ZSCAN32: variants seen among roughly 807,000 people sequenced by gnomAD.
ZSCAN32 encodes zinc finger and SCAN domain-containing protein 32.
In ZSCAN32, 52 loss-of-function variants were observed where a neutral mutation model predicts 47.4. That is an observed-to-expected ratio of 1.10 (90% CI 0.88 to 1.38). The LOEUF (loss-of-function observed/expected upper bound fraction) is 1.38, where lower values mean the gene tolerates loss of function less well. Among genes scored for constraint, ZSCAN32 ranks in the 40% most tolerant of loss-of-function variants. ZSCAN32 has a pLI of 0.00. For missense variants in ZSCAN32, 959 were observed against 846.0 expected, an observed-to-expected ratio of 1.13 and a Z score of -1.66; for synonymous variants, 346 against 305.7, an observed-to-expected ratio of 1.13 and a Z score of -1.38.
intron 1 of ZSCAN32, among the ~76,000 whole-genome samples, chr16:3,399,284 C>T (rs2033666703): frequency 6.6e-6 from 1 of 152,134 alleles, no homozygotes; most frequent in African/African-American, 2.4e-5. Context: ...ACCCACTTCC[C>T]CAGAAGTGGG....
At chr16:3,384,301 A>G in intron 6 of ZSCAN32, 158 bp downstream of exon 6, 1 of 1,012,678 alleles carries the variant, frequency 9.9e-7, no homozygotes, top group Non-Finnish European at 1.5e-6. Context: ...TGCAAGGGGA[A>G]TAACCTTTAA....
chr16:3,387,894 T>C (rs1490334376), intron 5 of ZSCAN32, among the ~76,000 whole-genome samples: 2 of 152,212 alleles, frequency 1.3e-5, no homozygotes, highest in East Asian at 1.9e-4. Flanking sequence ...AATGTTTACG[T>C]AGAGTTAAGT....
At position 3,384,579 on chromosome 16, in the gene ZSCAN32, C is replaced by T; in HGVS notation, c.1114G>A (p.Glu372Lys). Residue 372 changes from glutamate to lysine, a missense_variant, in exon 6 of 7, where the codon GAA (glutamate) becomes AAA (lysine). Physicochemically the swap from Glu to Lys is moderately conservative, Grantham distance 56. Transcript: ENST00000396852. ...GTGCCATCTTCTACCTCCGTGGGTT[C>T]CCCATTCTGGTGATTCAGCTCTCCA... ...EAGELNHQNG[E>K]PTEVEDGTVD... 3 of 1,614,220 alleles carry T rather than the reference C, an allele frequency of 1.9e-6. No individual in the cohort carries two copies. Among genetic ancestry groups the T allele is most frequent in the Non-Finnish European group, 2.5e-6 (3 of 1,180,026 alleles).
In ZSCAN32 at chr16:3,393,786, A is replaced by G. The variant is rs934019772; in HGVS notation, c.395T>C (p.Val132Ala). The G allele has an allele frequency of 1.3e-6, 2 of 1,549,940 alleles. No individual in the cohort carries two copies. The highest frequency in any genetic ancestry group is 4.9e-5 in the East Asian group (2 of 40,904). ...CAAAGGGGCCATCTCCTTCATGAGTACTTTCAAGTCCTTCTCAGAATCTAG... is the reference window on the plus strand; with the variant it reads ...CAAAGGGGCCATCTCCTTCATGAGTGCTTTCAAGTCCTTCTCAGAATCTAG... Reference protein sequence around the residue: ...QVLDSEKDLKVLMKEMAPLGA... With the variant: ...QVLDSEKDLKALMKEMAPLGA... Residue 132 changes from valine (V) to alanine (A), a missense_variant, in exon 3 of 7, where the codon GTA becomes GCA. Coordinates refer to ENST00000396852, the MANE Select transcript of ZSCAN32 (RefSeq NM_001284527.2).
intron 5 of ZSCAN32, among the ~76,000 whole-genome samples, chr16:3,389,123 T>G (rs1286309438): frequency 6.6e-6 from 1 of 152,148 alleles, no homozygotes; most frequent in African/African-American, 2.4e-5. Flanking sequence ...CACTATACTC[T>G]CCTGCAACTG....
In ZSCAN32 at chr16:3,393,191, T is replaced by TATATATATAAA. The variant is rs2032937947; in HGVS notation, c.532+457_532+458insTTTATATATAT. Reference sequence around the variant, plus strand: ...ATTTCTATATATATATTTCTATATTTATATATATATTTATATTTATATATA... The same window carrying TATATATATAAA: ...ATTTCTATATATATATTTCTATATTTATATATATAAAATATATATATTTATATTTATATATA... On this transcript the variant is annotated intron_variant, in intron 3 of 6. Coordinates refer to ENST00000396852, the MANE Select transcript of ZSCAN32 (RefSeq NM_001284527.2). Among the ~76,000 whole-genome samples the TATATATATAAA allele has an allele frequency of 7.3e-5, 2 of 27,502 alleles. 1 individual carries two copies. The highest frequency in any genetic ancestry group is 3.1e-3 in the South Asian group (2 of 648). 18.0% of individuals were successfully genotyped at this position (27,502 alleles called of 152,430 possible). A position where few individuals can be genotyped will look rare whatever the true frequency, so the allele number is the denominator to read the frequency against.
chr16:3,390,884 G>A (rs988922425), intron 3 of ZSCAN32, among the ~76,000 whole-genome samples: 5 of 151,856 alleles, frequency 3.3e-5, no homozygotes, highest in African/African-American at 1.2e-4. Context: ...AAAGAGAATC[G>A]TAGTGGGCAA....
Position 3,383,598 on chromosome 16 carries a change from C to T in ZSCAN32, c.1348G>A (p.Glu450Lys), listed in dbSNP as rs772571775. The T allele has an allele frequency of 1.2e-6, 2 of 1,613,864 alleles. No individual in the cohort carries two copies. The highest frequency in any genetic ancestry group is 1.7e-6 in the Non-Finnish European group (2 of 1,180,022). ...TCACTCTCCAAGCCTTTTTGTAGCT[C>T]AGAGTGCCAATAAACTCCTCTGGAC... The part of the protein sequence containing the change: ...RKSRGVYWHS[E>K]LQKGLESEPT... Residue 450 changes from glutamate (E) to lysine (K), a missense_variant, in exon 7 of 7, where the codon GAG becomes AAG. Glu to Lys is a moderately conservative substitution (Grantham distance 56). Coordinates refer to ENST00000396852, the MANE Select transcript of ZSCAN32 (RefSeq NM_001284527.2).
chr16:3,387,116 G>GCCT (rs1367680152), intron 5 of ZSCAN32, among the ~76,000 whole-genome samples: 2 of 152,082 alleles, frequency 1.3e-5, no homozygotes, highest in Non-Finnish European at 2.9e-5. Flanking sequence ...TACTAAAGCT[G>GCCT]CCTATTTAAT....
intron 5 of ZSCAN32, among the ~76,000 whole-genome samples, chr16:3,389,411 G>A (rs75081822): frequency 1.3e-5 from 2 of 152,206 alleles, no homozygotes; most frequent in Non-Finnish European, 2.9e-5. Context: ...GAGCTGCAGT[G>A]TCTGTCTCTG....
chr16:3,389,430 T>C (rs550994455), intron 5 of ZSCAN32, among the ~76,000 whole-genome samples: 26 of 152,292 alleles, frequency 1.7e-4, no homozygotes, highest in African/African-American at 6.0e-4. Context: ...TGAATCTGCA[T>C]GGTCAGGGAG....
In ZSCAN32 at chr16:3,382,624, T is replaced by G; in HGVS notation, c.*228A>C. On this transcript the variant is annotated 3_prime_UTR_variant, in exon 7 of 7. Coordinates refer to ENST00000396852, the MANE Select transcript of ZSCAN32 (RefSeq NM_001284527.2). Reference sequence around the variant, plus strand: ...TGGTAGAATTTATGGATCCTACAGCTTTCTCTCCATCAAACTTTAAGTCAC... The same window carrying G: ...TGGTAGAATTTATGGATCCTACAGCGTTCTCTCCATCAAACTTTAAGTCAC... 2.1e-6 allele frequency: 1 copy of G among 468,024 alleles called. No homozygotes were observed. Among genetic ancestry groups the G allele is most frequent in the Non-Finnish European group, 3.5e-6 (1 of 285,280 alleles). 29.0% of individuals were successfully genotyped at this position (468,024 alleles called of 1,614,324 possible). A position where few individuals can be genotyped will look rare whatever the true frequency, so the allele number is the denominator to read the frequency against.
intron 1 of ZSCAN32, 91 bp from the exon 2 acceptor site, chr16:3,397,835 C>CGA: frequency 7.6e-6 from 2 of 263,986 alleles, no homozygotes; most frequent in South Asian, 9.7e-5. Flanking sequence ...TCCTTTACTC[C>CGA]CTCCACAAAT....
rs2031321975 is a variant in ZSCAN32, at chr16:3,382,346, T to C, written c.*506A>G. ...TGGCTTAACCATCCTTCCTTCTTTC[T>C]GTTTGCTTTTTGGTGGTGGCTGGGT... On this transcript the variant is annotated 3_prime_UTR_variant, in exon 7 of 7. Transcript: ENST00000396852. The C allele has an allele frequency of 6.6e-6, 1 of 152,508 alleles. No individual in the cohort carries two copies. The highest frequency in any genetic ancestry group is 2.4e-5 in the African/African-American group (1 of 41,454). 9.4% of individuals were successfully genotyped at this position (152,508 alleles called of 1,614,324 possible).
In ZSCAN32 at chr16:3,382,334, C is replaced by G. The variant is rs1439724447; in HGVS notation, c.*518G>C. ...AGTATTATCCAATGGCTTAACCATC[C>G]TTCCTTCTTTCTGTTTGCTTTTTGG... is the stretch of plus-strand genomic sequence containing the variant. On this transcript the variant is annotated 3_prime_UTR_variant, in exon 7 of 7. Transcript: ENST00000396852. 1 of 152,346 alleles carries G rather than the reference C, an allele frequency of 6.6e-6. No individual in the cohort carries two copies. Among genetic ancestry groups the G allele is most frequent in the Non-Finnish European group, 1.5e-5 (1 of 68,202 alleles). The allele number at this position is 152,346 out of a possible 1,614,324, so 9.4% of individuals were successfully genotyped here. A position where few individuals can be genotyped will look rare whatever the true frequency, so the allele number is the denominator to read the frequency against.
Position 3,383,515 on chromosome 16 carries a change from T to G in ZSCAN32, c.1431A>C (p.Pro477=). 1 of 1,614,082 alleles carries G rather than the reference T, an allele frequency of 6.2e-7. No homozygotes were observed. The highest frequency in any genetic ancestry group is 1.1e-5 in the South Asian group (1 of 91,084). ...TCTGGTGACTCATCTTCTCCTGGGA[T>G]GGGGTTTTCTCCTCACTCTCCCCTG... ...NSPGESEEKT[P]SQEKMSHQSF... Residue 477 remains proline, a synonymous_variant, in exon 7 of 7, where the codon CCA becomes CCC. Transcript: ENST00000396852.
chr16:3,385,058 C>T (rs1596446777), intron 5 of ZSCAN32, 117 bp from the exon 6 acceptor site: 2 of 1,243,532 alleles, frequency 1.6e-6, no homozygotes, highest in Admixed American at 2.3e-5. Flanking sequence ...GATGCGGTGG[C>T]TCACACCTGT....
At chr16:3,389,079 AGTAATACAAATCTCAAT>A (rs2150883032) in intron 5 of ZSCAN32, among the ~76,000 whole-genome samples, 1 of 152,370 alleles carries the variant, frequency 6.6e-6, no homozygotes, top group East Asian at 1.9e-4. Context: ...ATATATACTT[AGTAATACAAATCTCAAT>A]ACAGAGCTCA....
At chr16:3,399,902 G>T (rs968145058) in intron 1 of ZSCAN32, among the ~76,000 whole-genome samples, 1 of 152,146 alleles carries the variant, frequency 6.6e-6, no homozygotes, top group African/African-American at 2.4e-5. Flanking sequence ...CACTGCACCC[G>T]CGAAGGCAGT....
Sources: allele counts gnomAD v4.1 joint callset (sites outside exome capture counted in the v4.1 genomes callset), GRCh38; gene constraint gnomAD v4.1.1; transcripts MANE v1.5; gene names NCBI Gene and HGNC (gene_info 2026-07-23, HGNC 2026-07-21).